Variants in TENT2 observed in about 807,000 individuals in gnomAD.
The protein encoded by TENT2 is terminal nucleotidyltransferase 2, also known as poly(A) RNA polymerase GLD2.
A neutral mutation model predicts 72.2 loss-of-function variants in TENT2; 44 were observed. That is an observed-to-expected ratio of 0.61 (90% CI 0.48 to 0.78). The LOEUF (loss-of-function observed/expected upper bound fraction) is 0.78, where lower values mean the gene tolerates loss of function less well. Ranked by LOEUF, TENT2 falls within the 30% of genes least tolerant of loss-of-function variation. The probability of loss-of-function intolerance (pLI) is 0.00; values close to 1 mark genes in which losing one functional copy is unlikely to be tolerated. For missense variants in TENT2, 541 were observed against 569.6 expected (o/e 0.95, Z 0.51); for synonymous variants, 212 against 192.5 (o/e 1.10, Z -0.84).
chr5:79,668,734 G>GT, intron 11 of TENT2, 158 bp from the exon 12 acceptor site: 1 of 695,072 alleles, frequency 1.4e-6, no homozygotes, highest in Admixed American at 2.8e-5. Flanking sequence ...AAATACTGGT[G>GT]AAGTCTTTAG....
rs139310218 is a variant in TENT2, at chr5:79,685,743, C to G, written c.*470C>G. The G allele has an allele frequency of 6.5e-6, 1 of 153,946 alleles. No individual in the cohort carries two copies. The highest frequency in any genetic ancestry group is 1.9e-4 in the East Asian group (1 of 5,242). 9.5% of individuals were successfully genotyped at this position (153,946 alleles called of 1,614,324 possible). ...AGTTGTTCAGTTACTTGAAGCAAAACGAAATCTTTCATTTCAGTCAAATCA... is the reference window on the plus strand; with the variant it reads ...AGTTGTTCAGTTACTTGAAGCAAAAGGAAATCTTTCATTTCAGTCAAATCA... On this transcript the variant is annotated 3_prime_UTR_variant, in exon 15 of 15. Transcript: ENST00000453514.
At chr5:79,665,839 T>G (rs1423977549) in intron 11 of TENT2, among the ~76,000 whole-genome samples, 1 of 152,194 alleles carries the variant, frequency 6.6e-6, no homozygotes, top group Non-Finnish European at 1.5e-5. Flanking sequence ...TTTTTCTCTT[T>G]GACTTTTTGG....
chr5:79,685,072 T>A (rs1825549989), intron 14 of TENT2, 127 bp from the exon 15 acceptor site: 2 of 772,214 alleles, frequency 2.6e-6, no homozygotes, highest in East Asian at 3.0e-5. Flanking sequence ...AAAGAAAAAA[T>A]TTGAAGGAAA....
chr5:79,626,290 C>T (rs934833679), intron 4 of TENT2, among the ~76,000 whole-genome samples: 3 of 151,338 alleles, frequency 2.0e-5, no homozygotes, highest in South Asian at 2.1e-4. Context: ...TAGGTGTGGG[C>T]CACCATGCCC....
At chr5:79,655,190 A>C (rs1214749699) in intron 10 of TENT2, among the ~76,000 whole-genome samples, 2 of 152,172 alleles carry the variant, frequency 1.3e-5, no homozygotes, top group East Asian at 1.9e-4. Context: ...GGATATTGTT[A>C]ATAAATAACT....
In TENT2 at chr5:79,620,077, G is replaced by C. The variant is rs780067558; in HGVS notation, c.221G>C (p.Gly74Ala). The change falls in exon 3 of 15, where the codon GGA becomes GCA. Residue 74 changes from glycine to alanine, a missense_variant. Physicochemically the swap from Gly to Ala is moderately conservative, Grantham distance 60. Coordinates refer to ENST00000453514, the MANE Select transcript of TENT2 (RefSeq NM_001114394.3). Reference protein sequence around the residue: ...IQTSASPLFRGRKRLSDEKNL... With the variant: ...IQTSASPLFRARKRLSDEKNL... ...ACCTCAGCTTCCCCATTATTTCGAG[G>C]AAGGAAGTAAGTACTTCTTAATTAT... 18 of 1,597,304 alleles carry C rather than the reference G, an allele frequency of 1.1e-5. No homozygotes were observed. The highest frequency in any genetic ancestry group is 1.7e-4 in the Middle Eastern group (1 of 5,874).
intron 4 of TENT2, among the ~76,000 whole-genome samples, chr5:79,637,891 G>A (rs998049990): frequency 1.3e-5 from 2 of 148,694 alleles, no homozygotes; most frequent in Admixed American, 6.8e-5. Context: ...TCTGCCTTCC[G>A]GGTTCAGGTG....
chr5:79,639,132 A>G (rs1030993449), intron 4 of TENT2, among the ~76,000 whole-genome samples: 1 of 152,060 alleles, frequency 6.6e-6, no homozygotes, highest in Non-Finnish European at 1.5e-5. Context: ...TGAACAGGGG[A>G]AAAGGACGCC....
At chr5:79,648,842 T>C (rs546676130) in intron 9 of TENT2, 149 bp downstream of exon 9, 7 of 787,520 alleles carry the variant, frequency 8.9e-6, no homozygotes, top group African/African-American at 5.3e-5. Flanking sequence ...TAAAATCATA[T>C]ACTGTCAGTT....
intron 11 of TENT2, among the ~76,000 whole-genome samples, chr5:79,660,646 C>T (rs1056349000): frequency 8.5e-5 from 13 of 152,144 alleles, no homozygotes; most frequent in Admixed American, 5.9e-4. Flanking sequence ...TGGTTAATGA[C>T]AGACCACATA....
At chr5:79,617,853 T>C (rs886644434) in intron 1 of TENT2, among the ~76,000 whole-genome samples, 2 of 152,214 alleles carry the variant, frequency 1.3e-5, no homozygotes, top group Non-Finnish European at 2.9e-5. Flanking sequence ...TTTCCCTCTT[T>C]GAATATTTTA....
chr5:79,628,425 T>C (rs1434270655), intron 4 of TENT2, among the ~76,000 whole-genome samples: 1 of 152,236 alleles, frequency 6.6e-6, no homozygotes, highest in African/African-American at 2.4e-5. Flanking sequence ...GTGGTGATCA[T>C]CTTGAAGGCT....
chr5:79,647,055 C>T (rs113246474), intron 8 of TENT2, among the ~76,000 whole-genome samples: 10 of 152,134 alleles, frequency 6.6e-5, no homozygotes, highest in African/African-American at 2.2e-4. Flanking sequence ...AGGAGTGTGC[C>T]GCTGCACCTG....
rs773876123 is a variant in TENT2 at position 79,648,589 on chromosome 5, A to G, written c.822-28A>G. 9.2e-6 allele frequency: 13 copies of G among 1,411,306 alleles called. No individual in the cohort carries two copies. In the East Asian group the frequency reaches 3.3e-4, roughly 35 times the overall value. 87.4% of individuals were successfully genotyped at this position (1,411,306 alleles called of 1,614,324 possible). On this transcript the variant is annotated intron_variant, in intron 8 of 14. Transcript: ENST00000453514. ...TTTTTTTGTTCTTCAGCTAAAGTTT[A>G]TTTATTTATTTATTTTTTCTTAAAT...
intron 11 of TENT2, among the ~76,000 whole-genome samples, chr5:79,660,799 AG>A (rs1802278031): frequency 6.6e-6 from 1 of 152,170 alleles, no homozygotes; most frequent in Non-Finnish European, 1.5e-5. Flanking sequence ...ATGGCCTGAT[AG>A]GTCCTTCAAG....
intron 4 of TENT2, among the ~76,000 whole-genome samples, chr5:79,625,838 T>G (rs1203615118): frequency 6.6e-6 from 1 of 151,850 alleles, no homozygotes; most frequent in African/African-American, 2.4e-5. Context: ...TTAGCTGTTT[T>G]TTTTTTTTTG....
chr5:79,673,446 A>G (rs1358719587), intron 12 of TENT2, among the ~76,000 whole-genome samples: 4 of 151,630 alleles, frequency 2.6e-5, no homozygotes, highest in African/African-American at 9.7e-5. Context: ...GAATTCTTCA[A>G]TCAATTTTGG....
At chr5:79,647,056 G>A (rs963102928) in intron 8 of TENT2, among the ~76,000 whole-genome samples, 3 of 151,994 alleles carry the variant, frequency 2.0e-5, no homozygotes, top group Non-Finnish European at 2.9e-5. Context: ...GGAGTGTGCC[G>A]CTGCACCTGG....
intron 12 of TENT2, among the ~76,000 whole-genome samples, chr5:79,678,431 A>G (rs561264887): frequency 6.6e-6 from 1 of 152,306 alleles, no homozygotes; most frequent in African/African-American, 2.4e-5. Flanking sequence ...ATACTACTTA[A>G]AAAATGGTAT....
Sources: gnomAD v4.1 joint callset for allele counts (sites outside exome capture counted in the v4.1 genomes callset) on GRCh38, gnomAD v4.1.1 for gene constraint, MANE v1.5 for transcripts, NCBI Gene and HGNC (gene_info 2026-07-23, HGNC 2026-07-21) for gene names.